Variants in ANKRD31 observed in about 807,000 individuals in gnomAD.
ANKRD31 encodes ankyrin repeat domain 31.
In ANKRD31, 147 loss-of-function variants were observed where a neutral mutation model predicts 186.0. The observed-to-expected ratio is 0.79, with a 90% CI of 0.69 to 0.91. The LOEUF (loss-of-function observed/expected upper bound fraction) is 0.91, where lower values mean the gene tolerates loss of function less well. Ranked by LOEUF, ANKRD31 falls within the 40% of genes least tolerant of loss-of-function variation. The pLI, the probability that ANKRD31 is intolerant of heterozygous loss-of-function variation, is 0.00. For synonymous variants in ANKRD31, 673 were observed against 736.4 expected, an observed-to-expected ratio of 0.91 and a Z score of 1.39; for missense variants, 1,986 against 2,148.8, an observed-to-expected ratio of 0.92 and a Z score of 1.50.
At chr5:75,121,392 A>T (rs1033206523) in intron 17 of ANKRD31, among the ~76,000 whole-genome samples, 2 of 152,206 alleles carry the variant, frequency 1.3e-5, no homozygotes, top group African/African-American at 2.4e-5. Context: ...ACAGCACTAG[A>T]CAGATCACTG....
chr5:75,108,103 T>C (rs1747478968), intron 20 of ANKRD31, among the ~76,000 whole-genome samples: 1 of 151,996 alleles, frequency 6.6e-6, no homozygotes, highest in South Asian at 2.1e-4. Flanking sequence ...GGGTGGTTAC[T>C]GTTAATACTT....
intron 3 of ANKRD31, among the ~76,000 whole-genome samples, chr5:75,221,089 G>A (rs1251645854): frequency 3.9e-5 from 6 of 152,040 alleles, no homozygotes; most frequent in African/African-American, 7.2e-5. Flanking sequence ...ACCAAATAAC[G>A]CATGTTCTCA....
In ANKRD31 at chr5:75,147,187, C is replaced by CATCT; in HGVS notation, c.2220_2223dup (p.Asp742ArgfsTer2). The CATCT allele has an allele frequency of 6.5e-7, 1 of 1,536,292 alleles. No individual in the cohort carries two copies. Among genetic ancestry groups the CATCT allele is most frequent in the Middle Eastern group, 1.7e-4 (1 of 5,980 alleles). ...ATCTTTCTTGGATTACAGTCTACAT[C>CATCT]ATCTACTTGGGTCCTTTTATGTTGT... On this transcript the variant is annotated frameshift_variant, in exon 14 of 26. Transcript: ENST00000506364. LOFTEE classifies it high-confidence loss of function.
intron 25 of ANKRD31, among the ~76,000 whole-genome samples, chr5:75,068,961 C>A (rs1029444113): frequency 6.6e-6 from 1 of 152,088 alleles, no homozygotes; most frequent in African/African-American, 2.4e-5. Context: ...TTCCAATAAA[C>A]GGAGAATAAA....
chr5:75,071,387 ACTT>A (rs1164760401), intron 25 of ANKRD31, among the ~76,000 whole-genome samples: 1 of 150,990 alleles, frequency 6.6e-6, no homozygotes, highest in African/African-American at 2.4e-5. Context: ...TAGCTGCAAT[ACTT>A]CTTATTACCA....
intron 19 of ANKRD31, among the ~76,000 whole-genome samples, chr5:75,113,975 G>A (rs1312617157): frequency 6.6e-6 from 1 of 152,148 alleles, no homozygotes; most frequent in Non-Finnish European, 1.5e-5. Flanking sequence ...TATTGTAGAT[G>A]TACTCAGTCT....
rs144853802 is a variant in ANKRD31, at chr5:75,183,231, A to G, written c.1564+5262T>C. On this transcript the variant is annotated intron_variant, in intron 10 of 25. Transcript: ENST00000506364. ...CATCCCTTCATGATAAAAATTCTCAACAAATTAGGTACAGTAGGTATGTAC... is the reference window on the plus strand; with the variant it reads ...CATCCCTTCATGATAAAAATTCTCAGCAAATTAGGTACAGTAGGTATGTAC... 1.1e-3 allele frequency among the ~76,000 whole-genome samples: 171 copies of G among 152,334 alleles called. 1 individual carries two copies. Among genetic ancestry groups the G allele is most frequent in the Non-Finnish European group, 1.8e-3 (124 of 68,024 alleles).
chr5:75,164,443 C>T (rs73131026), intron 11 of ANKRD31, among the ~76,000 whole-genome samples: 7,436 of 152,264 alleles, frequency 0.049, 394 homozygotes, highest in African/African-American at 0.13. Context: ...TAGGTGGACA[C>T]TCACTGAAAG....
rs1318019559 is a variant in ANKRD31, at chr5:75,196,076, G to C, written c.572C>G (p.Pro191Arg). 1.3e-6 allele frequency: 2 copies of C among 1,536,802 alleles called. No individual in the cohort carries two copies. The highest frequency in any genetic ancestry group is 8.7e-7 in the Non-Finnish European group (1 of 1,146,692). Residue 191 changes from proline (P) to arginine (R), a missense_variant, in exon 7 of 26, where the codon CCA (proline) becomes CGA (arginine). By Grantham distance (103) the Pro-to-Arg change is moderately radical. Transcript: ENST00000506364. ...CTTTCTAGGCTCAAAAAATGTATTT[G>C]GTGCTGCTAAAATCTTCTCTGGCTC... ...LVEPEKILAA[P>R]NTFFEPRKEV...
At chr5:75,156,102 G>T (rs530016437) in intron 11 of ANKRD31, among the ~76,000 whole-genome samples, 2 of 151,930 alleles carry the variant, frequency 1.3e-5, no homozygotes, top group Non-Finnish European at 2.9e-5. Flanking sequence ...ATGGGGTTTC[G>T]CCTTGTTGGC....
chr5:75,100,569 T>C (rs1467028938), intron 22 of ANKRD31, among the ~76,000 whole-genome samples: 2 of 152,204 alleles, frequency 1.3e-5, no homozygotes, highest in Non-Finnish European at 2.9e-5. Context: ...AGTCTCTTTG[T>C]AGGTCTCTAA....
Position 75,199,710 on chromosome 5 carries a change from T to C in ANKRD31, c.404-36A>G, listed in dbSNP as rs1184243366. The stretch of plus-strand genomic sequence containing the variant: ...ACAATGTGTTTTCATTCCAGTTTTA[T>C]GGAAGCACTAAAAACATACCTTCTC... On this transcript the variant is annotated intron_variant, in intron 5 of 25. Transcript: ENST00000506364. 7 of 1,513,886 alleles carry C rather than the reference T, an allele frequency of 4.6e-6. No individual in the cohort carries two copies. The South Asian group carries it at 7.3e-5, about 16-fold the overall frequency. The allele number at this position is 1,513,886 out of a possible 1,614,324, so 93.8% of individuals were successfully genotyped here.
chr5:75,235,594 T>A (rs191987278), intron 1 of ANKRD31, among the ~76,000 whole-genome samples: 28 of 152,222 alleles, frequency 1.8e-4, no homozygotes, highest in Admixed American at 1.4e-3. Context: ...CCAGAAGGTA[T>A]AGGACAAAGC....
chr5:75,208,570 A>G (rs1756403312), intron 4 of ANKRD31, among the ~76,000 whole-genome samples: 1 of 152,222 alleles, frequency 6.6e-6, no homozygotes, highest in South Asian at 2.1e-4. Flanking sequence ...AACAACCAGG[A>G]AAGATTAACC....
intron 1 of ANKRD31, among the ~76,000 whole-genome samples, chr5:75,232,680 A>C (rs1207374238): frequency 2.6e-5 from 4 of 152,018 alleles, no homozygotes; most frequent in African/African-American, 9.7e-5. Context: ...GTTTGTCAAA[A>C]CTCAGAACCA....
chr5:75,210,173 T>G (rs1313312336), intron 4 of ANKRD31, among the ~76,000 whole-genome samples: 1 of 152,050 alleles, frequency 6.6e-6, no homozygotes, highest in African/African-American at 2.4e-5. Context: ...CTTGCTTTCT[T>G]GCTTTCTTTC....
chr5:75,234,345 T>C (rs887415743), intron 1 of ANKRD31, among the ~76,000 whole-genome samples: 12 of 152,212 alleles, frequency 7.9e-5, no homozygotes, highest in Non-Finnish European at 1.2e-4. Context: ...GAATAGACAA[T>C]ATATTTATAT....
chr5:75,161,296 G>A lies in ANKRD31; in HGVS notation c.1708-6951C>T, dbSNP rs189053817. 6.6e-5 allele frequency among the ~76,000 whole-genome samples: 10 copies of A among 152,244 alleles called. No individual in the cohort carries two copies. The East Asian group carries it at 1.4e-3, about 21-fold the overall frequency. On this transcript the variant is annotated intron_variant, in intron 11 of 25. Coordinates refer to ENST00000506364, the MANE Select transcript of ANKRD31 (RefSeq NM_001372053.1). ...GACCTTGTTGGTAACTGGAGCAAAG[G>A]TGACTCTTGTTATGTTTTAGCAAAG...
intron 19 of ANKRD31, among the ~76,000 whole-genome samples, chr5:75,114,494 G>T (rs1039460578): frequency 6.6e-6 from 1 of 152,130 alleles, no homozygotes; most frequent in African/African-American, 2.4e-5. Context: ...CATTGATTTT[G>T]TATCCTGAGA....
Sources: allele counts gnomAD v4.1 joint callset (sites outside exome capture counted in the v4.1 genomes callset), GRCh38; gene constraint gnomAD v4.1.1; transcripts MANE v1.5; gene names NCBI Gene and HGNC (gene_info 2026-07-23, HGNC 2026-07-21).